The following ZNF814 variants were observed in gnomAD, a reference collection of about 807,000 sequenced individuals.
ZNF814 encodes zinc finger protein 814.
In ZNF814, 5 loss-of-function variants were observed where a neutral mutation model predicts 7.5. The ratio of observed to expected loss-of-function variants is 0.67; its 90% confidence interval spans 0.35 to 1.40. The LOEUF is 1.40. ZNF814 is among the 40% of genes most tolerant of loss of function. The pLI is 0.04. For synonymous variants in ZNF814, 315 were observed against 340.7 expected (o/e 0.92, Z 0.83); for missense variants, 962 against 1,018.0 (o/e 0.94, Z 0.75).
rs2071715321 is a variant in ZNF814, at chr19:57,888,843, ACCAGCCAGGAGATATGGGCACGACGGT to A, written c.-68_-42del. The A allele has an allele frequency of 6.4e-7, 1 of 1,550,744 alleles. No homozygotes were observed. The highest frequency in any genetic ancestry group is 2.0e-5 in the Admixed American group (1 of 50,946). Reference sequence around the variant, plus strand: ...TAAGCAGAGTCGGGAGGATAGGGCGACCAGCCAGGAGATATGGGCACGACGGTCCGTATCCTGGCCCAGGAGTGGGTC... The same window carrying A: ...TAAGCAGAGTCGGGAGGATAGGGCGACCGTATCCTGGCCCAGGAGTGGGTC... On this transcript the variant is annotated 5_prime_UTR_variant, in exon 1 of 3. Coordinates refer to ENST00000435989, the MANE Select transcript of ZNF814 (RefSeq NM_001144989.2).
chr19:57,879,326 T>C (rs928431604), intron 1 of ZNF814, among the ~76,000 whole-genome samples: 4 of 150,218 alleles, frequency 2.7e-5, no homozygotes, highest in Admixed American at 1.3e-4. Flanking sequence ...ATTACTTCTG[T>C]ACTTCTGCCT....
chr19:57,888,330 T>C (rs1227242664), intron 1 of ZNF814, among the ~76,000 whole-genome samples: 1 of 152,180 alleles, frequency 6.6e-6, no homozygotes, highest in East Asian at 1.9e-4. Context: ...TTTTGTTGAC[T>C]CAAATATCAC....
At position 57,875,006 on chromosome 19, in the gene ZNF814, T is replaced by G. The variant is rs1304396890; in HGVS notation, c.384A>C (p.Lys128Asn). The stretch of plus-strand genomic sequence containing the variant: ...GATGAAAGTTTCCACTGTCATACAA[T>G]TTATTCCCCCAGGCCTCACACCTGT... Reference protein sequence around the residue: ...KLHRCEAWGNKLYDSGNFHQH... With the variant: ...KLHRCEAWGNNLYDSGNFHQH... Residue 128 changes from lysine (K) to asparagine (N), a missense_variant, in exon 3 of 3, where the codon AAA becomes AAC. Physicochemically the swap from Lys to Asn is moderately conservative, Grantham distance 94. Transcript: ENST00000435989. The G allele has an allele frequency of 1.9e-6, 3 of 1,611,318 alleles. No homozygotes were observed. The highest frequency in any genetic ancestry group is 2.5e-6 in the Non-Finnish European group (3 of 1,178,158).
At position 57,874,115 on chromosome 19, in the gene ZNF814, T is replaced by G; in HGVS notation, c.1275A>C (p.Gln425His). 1 of 1,600,280 alleles carries G rather than the reference T, an allele frequency of 6.2e-7. No individual in the cohort carries two copies. Among genetic ancestry groups the G allele is most frequent in the Non-Finnish European group, 8.5e-7 (1 of 1,173,272 alleles). Residue 425 changes from glutamine to histidine, a missense_variant, in exon 3 of 3, where the codon CAA (glutamine) becomes CAC (histidine). Gln to His is a conservative substitution (Grantham distance 24). Coordinates refer to ENST00000435989, the MANE Select transcript of ZNF814 (RefSeq NM_001144989.2). Reference protein sequence around the residue: ...KSFSQKSSLIQHQRFHTGEKP... With the variant: ...KSFSQKSSLIHHQRFHTGEKP... ...TTTCTCCAGTGTGAAATCGCTGATG[T>G]TGAATGAGGCTGCTCTTTTGACTAA...
chr19:57,897,178 AC>A, the ZNF814 span, among the ~76,000 whole-genome samples: 1 of 152,182 alleles, frequency 6.6e-6, no homozygotes, highest in Non-Finnish European at 1.5e-5. Context: ...ACAGCTTCTT[AC>A]ATATGAAAAT....
chr19:57,892,883 A>C (rs557061110), upstream of ZNF814, among the ~76,000 whole-genome samples: 35 of 152,076 alleles, frequency 2.3e-4, no homozygotes, highest in Admixed American at 1.0e-3. Context: ...CCAAGTTGAA[A>C]CTCATGGTCG....
chr19:57,899,989 G>A, the ZNF814 span, among the ~76,000 whole-genome samples: 3 of 152,304 alleles, frequency 2.0e-5, no homozygotes, highest in South Asian at 6.2e-4. Flanking sequence ...GGCAGGTTTT[G>A]TTGGCATTCT....
At chr19:57,902,506 CTCAAAGT>C in the ZNF814 span, among the ~76,000 whole-genome samples, 1 of 152,170 alleles carries the variant, frequency 6.6e-6, no homozygotes, top group Non-Finnish European at 1.5e-5. Flanking sequence ...TTAGCTATGG[CTCAAAGT>C]TCAATCACAA....
chr19:57,895,044 T>C, the ZNF814 span, among the ~76,000 whole-genome samples: 1 of 151,786 alleles, frequency 6.6e-6, no homozygotes, highest in African/African-American at 2.4e-5. Context: ...CCCCTGAAAA[T>C]GACAGTGAAG....
chr19:57,895,262 TTTC>T, the ZNF814 span, among the ~76,000 whole-genome samples: 1 of 151,464 alleles, frequency 6.6e-6, no homozygotes, highest in South Asian at 2.1e-4. Context: ...CTCCTTGCCT[TTTC>T]TTTTCTTTTC....
intron 1 of ZNF814, among the ~76,000 whole-genome samples, chr19:57,879,728 A>G (rs414672): frequency 4.9e-4 from 73 of 147,954 alleles, no homozygotes; most frequent in African/African-American, 1.7e-3. Context: ...CCCAGTGACT[A>G]TATTATGCCT....
chr19:57,872,923 T>C lies in ZNF814; in HGVS notation c.2467A>G (p.Thr823Ala). ...TCACATTTATAAGGCTTTTCTCCAG[T>C]GTGAACTCTCTTGTGTTTAGTGAGA... ...SSLTKHKRVHTGEKPYKCEKC... is the reference protein window; with the variant it reads ...SSLTKHKRVHAGEKPYKCEKC... Residue 823 changes from threonine to alanine, a missense_variant, in exon 3 of 3, where the codon ACT becomes GCT. Coordinates refer to ENST00000435989, the MANE Select transcript of ZNF814 (RefSeq NM_001144989.2). The C allele has an allele frequency of 2.5e-6, 4 of 1,613,888 alleles. No individual in the cohort carries two copies. The highest frequency in any genetic ancestry group is 3.4e-6 in the Non-Finnish European group (4 of 1,179,910).
intron 1 of ZNF814, among the ~76,000 whole-genome samples, chr19:57,878,277 T>C (rs766159565): frequency 5.3e-5 from 8 of 150,866 alleles, no homozygotes; most frequent in Non-Finnish European, 1.0e-4. Context: ...AGAGCAACCA[T>C]GGCCATGGCA....
chr19:57,887,175 C>T (rs1254133336), intron 1 of ZNF814, among the ~76,000 whole-genome samples: 3 of 152,142 alleles, frequency 2.0e-5, no homozygotes, highest in Non-Finnish European at 4.4e-5. Context: ...GCAACAAGAG[C>T]GAAACTCCGT....
intron 1 of ZNF814, among the ~76,000 whole-genome samples, chr19:57,883,876 G>T (rs2071668502): frequency 6.6e-6 from 1 of 151,782 alleles, no homozygotes; most frequent in African/African-American, 2.4e-5. Flanking sequence ...TCCTGCCTCA[G>T]CTTCCGAGTA....
At chr19:57,898,798 G>A in the ZNF814 span, among the ~76,000 whole-genome samples, 318 of 152,198 alleles carry the variant, frequency 2.1e-3, 3 homozygotes, top group African/African-American at 7.1e-3. Context: ...AACATTAGCC[G>A]GGTGTGGCGG....
chr19:57,877,008 A>T lies in ZNF814; in HGVS notation c.71T>A (p.Phe24Tyr). 2 of 1,614,080 alleles carry T rather than the reference A, an allele frequency of 1.2e-6. No homozygotes were observed. Among genetic ancestry groups the T allele is most frequent in the Non-Finnish European group, 1.7e-6 (2 of 1,179,998 alleles). The change falls in exon 2 of 3, where the codon TTT becomes TAT. Residue 24 changes from phenylalanine to tyrosine, a missense_variant. Phe to Tyr is a conservative substitution (Grantham distance 22). This residue lies in a region of ZNF814 where 63 missense variants were observed against 65.0 expected (regional missense o/e 0.97). Transcript: ENST00000435989. ...TVTFEDVAVN[F>Y]TWEEWNLLSE... ...AAGGAGATTCCATTCCTCCCAGGTAAAGTTCACAGCCACATCTTCAAAAGT... is the reference window on the plus strand; with the variant it reads ...AAGGAGATTCCATTCCTCCCAGGTATAGTTCACAGCCACATCTTCAAAAGT...
rs936566281 is a variant in ZNF814, at chr19:57,871,795, C to T, written c.*1027G>A. On this transcript the variant is annotated 3_prime_UTR_variant, in exon 3 of 3. Transcript: ENST00000435989. Reference sequence around the variant, plus strand: ...TCAACAAATCCTTCTGTGACTCGATCAGAAATTAAAAGTTAAAAAAAAAAA... The same window carrying T: ...TCAACAAATCCTTCTGTGACTCGATTAGAAATTAAAAGTTAAAAAAAAAAA... 2.4e-5 allele frequency: 3 copies of T among 125,658 alleles called. No homozygotes were observed. Among genetic ancestry groups the T allele is most frequent in the Non-Finnish European group, 3.2e-5 (2 of 62,198 alleles). 7.8% of individuals were successfully genotyped at this position (125,658 alleles called of 1,614,324 possible).
At chr19:57,904,569 G>A in the ZNF814 span, among the ~76,000 whole-genome samples, 1 of 152,202 alleles carries the variant, frequency 6.6e-6, no homozygotes, top group African/African-American at 2.4e-5. Context: ...CTGTCCCTGG[G>A]ACAGCAGGGA....
Sources: allele counts gnomAD v4.1 joint callset (sites outside exome capture counted in the v4.1 genomes callset), GRCh38; gene constraint gnomAD v4.1.1; regional missense constraint gnomAD v4.1.1; transcripts MANE v1.5; gene names NCBI Gene and HGNC (gene_info 2026-07-23, HGNC 2026-07-21).